Variants in TAFA2 observed in about 807,000 individuals in gnomAD.
TAFA2 encodes chemokine-like protein TAFA-2.
TAFA2 carries 7 observed loss-of-function variants against 18.8 expected under a neutral mutation model. The observed-to-expected ratio is 0.37, with a 90% CI of 0.21 to 0.70. The LOEUF is 0.70. TAFA2 is among the 30% of genes least tolerant of loss of function. The pLI, the probability that TAFA2 is intolerant of heterozygous loss-of-function variation, is 0.53. For synonymous variants in TAFA2, 60 were observed against 54.2 expected, an observed-to-expected ratio of 1.11 and a Z score of -0.47; for missense variants, 122 against 158.1, an observed-to-expected ratio of 0.77 and a Z score of 1.23.
At chr12:61,823,806 TACTC>T (rs1302182179) in intron 2 of TAFA2, among the ~76,000 whole-genome samples, 1 of 152,114 alleles carries the variant, frequency 6.6e-6, no homozygotes, top group Non-Finnish European at 1.5e-5. Context: ...CATAGAATAA[TACTC>T]ACACCAGAAT....
At chr12:61,906,684 G>A (rs531095878) in intron 1 of TAFA2, among the ~76,000 whole-genome samples, 2 of 152,322 alleles carry the variant, frequency 1.3e-5, no homozygotes, top group East Asian at 3.9e-4. Flanking sequence ...AAGCCAGGAA[G>A]ATATGGGAAA....
At chr12:62,207,268 GGAGT>G (rs1193913221) in intron 1 of TAFA2, 2 of 152,096 alleles carry the variant, frequency 1.3e-5, no homozygotes, top group African/African-American at 4.8e-5. Flanking sequence ...CATAAATGAA[GGAGT>G]AATTAATATA....
intron 1 of TAFA2, among the ~76,000 whole-genome samples, chr12:61,997,972 A>G (rs1237016187): frequency 6.6e-6 from 1 of 152,176 alleles, no homozygotes. Context: ...CCTATTTTTA[A>G]GAAAATAACT....
At chr12:61,787,997 G>T (rs1870808096) in intron 2 of TAFA2, among the ~76,000 whole-genome samples, 1 of 151,622 alleles carries the variant, frequency 6.6e-6, no homozygotes, top group Non-Finnish European at 1.5e-5. Flanking sequence ...TGAGAGTGAA[G>T]GGATGGAAAA....
chr12:62,046,075 C>A (rs12826649), intron 1 of TAFA2, among the ~76,000 whole-genome samples: 5,180 of 152,116 alleles, frequency 0.034, 122 homozygotes, highest in Non-Finnish European at 0.046. Flanking sequence ...GATAGGGATA[C>A]AAAGGTCAAA....
At chr12:62,106,618 A>G (rs1455072568) in intron 1 of TAFA2, among the ~76,000 whole-genome samples, 2 of 152,158 alleles carry the variant, frequency 1.3e-5, no homozygotes, top group Non-Finnish European at 2.9e-5. Flanking sequence ...ATTGCTATAG[A>G]TGACACTGTG....
At chr12:61,725,300 A>T (rs12303263) in intron 4 of TAFA2, among the ~76,000 whole-genome samples, 10,515 of 151,848 alleles carry the variant, frequency 0.069, 1,154 homozygotes, top group African/African-American at 0.24. Flanking sequence ...AAGTCCCATC[A>T]ATTTATCTTT....
intron 4 of TAFA2, among the ~76,000 whole-genome samples, chr12:61,743,803 A>T (rs1270187107): frequency 2.0e-5 from 3 of 152,104 alleles, no homozygotes; most frequent in Non-Finnish European, 4.4e-5. Flanking sequence ...CAAGAGTTAA[A>T]TTTCACATAA....
At chr12:62,052,314 C>T (rs1021185528) in intron 1 of TAFA2, among the ~76,000 whole-genome samples, 2 of 152,118 alleles carry the variant, frequency 1.3e-5, no homozygotes, top group Admixed American at 6.5e-5. Context: ...CAGCCTTAGC[C>T]TCTCAAGTAG....
chr12:62,130,595 G>A (rs371517045), intron 1 of TAFA2, among the ~76,000 whole-genome samples: 23 of 151,886 alleles, frequency 1.5e-4, no homozygotes, highest in African/African-American at 4.8e-4. Flanking sequence ...TCCTCTTTTC[G>A]TTTCACTGGA....
chr12:62,259,705 C>CT (rs1247785996), upstream of TAFA2: 26 of 152,622 alleles, frequency 1.7e-4, no homozygotes, highest in African/African-American at 5.8e-4. Context: ...TGTCCATATT[C>CT]TACTCCCTGT....
chr12:61,907,953 A>T (rs1387140841), intron 1 of TAFA2, among the ~76,000 whole-genome samples: 1 of 152,108 alleles, frequency 6.6e-6, no homozygotes, highest in Admixed American at 6.5e-5. Context: ...TGCTATTTGG[A>T]ATGGGTATAT....
At chr12:61,755,302 C>T (rs1299489025) in intron 2 of TAFA2, among the ~76,000 whole-genome samples, 1 of 152,094 alleles carries the variant, frequency 6.6e-6, no homozygotes, top group East Asian at 1.9e-4. Flanking sequence ...TATGTGCCGT[C>T]ATCAAAAACA....
intron 1 of TAFA2, among the ~76,000 whole-genome samples, chr12:61,971,860 C>A (rs1280057080): frequency 1.3e-5 from 2 of 151,840 alleles, no homozygotes; most frequent in Non-Finnish European, 2.9e-5. Context: ...TACCCTAGAA[C>A]TTAAAGTATA....
chr12:61,766,530 C>T (rs764593480), intron 2 of TAFA2, among the ~76,000 whole-genome samples: 52 of 152,176 alleles, frequency 3.4e-4, no homozygotes, highest in Admixed American at 3.9e-4. Flanking sequence ...GAACCATTCC[C>T]TGCTCTGATT....
chr12:62,231,660 A>G (rs912609044), intron 1 of TAFA2, among the ~76,000 whole-genome samples: 22 of 152,320 alleles, frequency 1.4e-4, no homozygotes, highest in East Asian at 1.9e-4. Context: ...TATTAAGACT[A>G]TAAAGATTTA....
chr12:61,849,932 A>G (rs1873572379), intron 2 of TAFA2, among the ~76,000 whole-genome samples: 1 of 152,186 alleles, frequency 6.6e-6, no homozygotes, highest in African/African-American at 2.4e-5. Flanking sequence ...TGTTGAATCT[A>G]TACGCTATTA....
At chr12:61,883,460 C>T (rs887889718) in intron 1 of TAFA2, among the ~76,000 whole-genome samples, 2 of 152,166 alleles carry the variant, frequency 1.3e-5, no homozygotes, top group Non-Finnish European at 2.9e-5. Flanking sequence ...TCATCCAAAA[C>T]AGCTATTACG....
At chr12:62,033,012 C>T (rs557473543) in intron 1 of TAFA2, among the ~76,000 whole-genome samples, 4 of 152,180 alleles carry the variant, frequency 2.6e-5, no homozygotes, top group African/African-American at 9.6e-5. Context: ...TTCTTCTCCC[C>T]CAGCTAAGGA....
Sources: allele counts gnomAD v4.1 joint callset (sites outside exome capture counted in the v4.1 genomes callset), GRCh38; gene constraint gnomAD v4.1.1; transcripts MANE v1.5; gene names NCBI Gene and HGNC (gene_info 2026-07-23, HGNC 2026-07-21).